The following BRSK2 variants were observed in gnomAD, a reference collection of about 807,000 sequenced individuals.
BRSK2 encodes BR serine/threonine kinase 2, also known as serine/threonine-protein kinase BRSK2.
BRSK2 carries 19 observed loss-of-function variants against 83.3 expected under a neutral mutation model. The observed-to-expected ratio is 0.23, with a 90% CI of 0.16 to 0.33. The LOEUF is 0.33. Ranked by LOEUF, BRSK2 falls within the 10% of genes least tolerant of loss-of-function variation. The pLI is 1.00. For missense variants in BRSK2, 798 were observed against 1,042.3 expected (o/e 0.77, Z 3.23); for synonymous variants, 519 against 435.4 (o/e 1.19, Z -2.39).
chr11:1,450,651 C>A lies in BRSK2; in HGVS notation c.1352C>A (p.Thr451Lys), dbSNP rs369672997. ...ACCCCCAAGGGGACACCTGTCCACA[C>A]GCCAAAGGAGAGCCCGGCTGGCACG... ...LPTPKGTPVH[T>K]PKESPAGTPN... The change falls in exon 14 of 20, where the codon ACG (threonine) becomes AAG (lysine). Residue 451 changes from threonine to lysine, a missense_variant. Thr to Lys is a moderately conservative substitution (Grantham distance 78). Around this residue, in one of 6 missense-constraint regions of BRSK2, gnomAD observed 455 missense variants for 455.2 expected, o/e 1.00. Transcript: ENST00000528841. 5 of 1,609,204 alleles carry A rather than the reference C, an allele frequency of 3.1e-6. No individual in the cohort carries two copies. The East Asian group carries it at 9.0e-5, about 29-fold the overall frequency.
intron 13 of BRSK2, among the ~76,000 whole-genome samples, chr11:1,450,155 G>C (rs890073814): frequency 2.8e-4 from 42 of 151,366 alleles, no homozygotes; most frequent in Non-Finnish European, 5.0e-4. Context: ...GTGTGCATGC[G>C]GGGGACTGGG....
At chr11:1,404,108 C>A (rs1228083852) in intron 1 of BRSK2, among the ~76,000 whole-genome samples, 2 of 152,230 alleles carry the variant, frequency 1.3e-5, no homozygotes, top group Admixed American at 1.3e-4. Context: ...AGCACCCTCT[C>A]CACTGTCCCA....
chr11:1,438,245 G>A lies in BRSK2; in HGVS notation c.187-61G>A. On this transcript the variant is annotated intron_variant, in intron 2 of 19. Transcript: ENST00000528841. This position sits in a 1 kb window ranked among gnomAD's most constrained non-coding sequence, Gnocchi z 6.4. ...ACAGCTGGCACCAAAGGCAGTGTCTGTGGGGAGCGATGCGTGCCCCAGCCC... is the reference window on the plus strand; with the variant it reads ...ACAGCTGGCACCAAAGGCAGTGTCTATGGGGAGCGATGCGTGCCCCAGCCC... 1 of 1,521,924 alleles carries A rather than the reference G, an allele frequency of 6.6e-7. No homozygotes were observed. Among genetic ancestry groups the A allele is most frequent in the Non-Finnish European group, 9.1e-7 (1 of 1,099,304 alleles). The allele number at this position is 1,521,924 out of a possible 1,614,324, so 94.3% of individuals were successfully genotyped here.
chr11:1,413,616 G>A (rs1847792428), intron 1 of BRSK2, among the ~76,000 whole-genome samples: 1 of 152,256 alleles, frequency 6.6e-6, no homozygotes, highest in Non-Finnish European at 1.5e-5. Flanking sequence ...TCTGGGGTCT[G>A]TGTGCCTGGA....
chr11:1,428,963 C>T (rs1013128171), intron 1 of BRSK2, among the ~76,000 whole-genome samples: 4 of 140,466 alleles, frequency 2.8e-5, no homozygotes, highest in African/African-American at 1.1e-4. Flanking sequence ...GGGTGTGTGC[C>T]CTTGGCGTGT....
At chr11:1,407,391 C>T (rs2134086483) in intron 1 of BRSK2, among the ~76,000 whole-genome samples, 1 of 152,288 alleles carries the variant, frequency 6.6e-6, no homozygotes. Context: ...CCACAGAGTC[C>T]ACTTGGGGGG....
chr11:1,449,224 C>T (rs1845498440), intron 12 of BRSK2, among the ~76,000 whole-genome samples: 1 of 152,190 alleles, frequency 6.6e-6, no homozygotes, highest in Non-Finnish European at 1.5e-5. Context: ...GGACAAGGCC[C>T]CACCGTCCCT....
chr11:1,457,553 G>A (rs372749905), intron 18 of BRSK2, among the ~76,000 whole-genome samples: 2 of 152,182 alleles, frequency 1.3e-5, no homozygotes, highest in African/African-American at 2.4e-5. Context: ...ACATGCATGG[G>A]CCTGGTCTGT....
chr11:1,451,258 C>T (rs1590655916), intron 14 of BRSK2, 113 bp from the exon 15 acceptor site: 1 of 1,271,010 alleles, frequency 7.9e-7, no homozygotes, highest in Non-Finnish European at 1.1e-6. Flanking sequence ...GGGGGCTGTC[C>T]CAGTGTGTGT....
chr11:1,403,330 C>T (rs1009653506), intron 1 of BRSK2, among the ~76,000 whole-genome samples: 2 of 152,200 alleles, frequency 1.3e-5, no homozygotes, highest in South Asian at 2.1e-4. Flanking sequence ...CACCCCTCAC[C>T]GCAGGCCACA....
chr11:1,429,357 G>C (rs1285080927), intron 1 of BRSK2, among the ~76,000 whole-genome samples: 1 of 151,964 alleles, frequency 6.6e-6, no homozygotes, highest in Non-Finnish European at 1.5e-5. Context: ...TGTGCACTCG[G>C]TGTGTGGGTG....
chr11:1,447,680 G>T, intron 12 of BRSK2: 1 of 890,926 alleles, frequency 1.1e-6, no homozygotes, highest in Non-Finnish European at 1.8e-6. Flanking sequence ...CGCCATCTTT[G>T]TGCAGCGGCC....
At chr11:1,447,885 C>G in intron 12 of BRSK2, 1 of 1,581,332 alleles carries the variant, frequency 6.3e-7, no homozygotes, top group Non-Finnish European at 8.5e-7. Context: ...GACCACCCGT[C>G]CCCGCACCTC....
intron 1 of BRSK2, among the ~76,000 whole-genome samples, chr11:1,416,012 C>G (rs1322645932): frequency 6.6e-6 from 1 of 152,274 alleles, no homozygotes; most frequent in Non-Finnish European, 1.5e-5. Flanking sequence ...TGGAACCAGG[C>G]AAGCTGAACC....
chr11:1,456,246 A>C, intron 16 of BRSK2, 102 bp from the exon 17 acceptor site: 1 of 1,242,182 alleles, frequency 8.1e-7, no homozygotes. Flanking sequence ...GGGTGCTCAC[A>C]ATGTGTGCAC....
At chr11:1,458,259 T>C (rs1259619493) in intron 18 of BRSK2, among the ~76,000 whole-genome samples, 2 of 152,002 alleles carry the variant, frequency 1.3e-5, no homozygotes, top group Non-Finnish European at 1.5e-5. Context: ...CCCCTTAAAG[T>C]GTGGTACCGC....
rs371936544 is a variant in BRSK2 at position 1,444,591 on chromosome 11, C to T, written c.781-380C>T. Among the ~76,000 whole-genome samples the T allele has an allele frequency of 2.5e-3, 381 of 152,184 alleles. 1 individual carries two copies. The highest frequency in any genetic ancestry group is 6.8e-3 in the Middle Eastern group (2 of 294). On this transcript the variant is annotated intron_variant, in intron 8 of 19. Transcript: ENST00000528841. ...CTGCCTTGGTTCCTTCCTAGAGCCA[C>T]GGAGGGGCCCAGCCCAGGCAGCACA... is the stretch of plus-strand genomic sequence containing the variant.
chr11:1,402,040 AC>A (rs1846513601), intron 1 of BRSK2, among the ~76,000 whole-genome samples: 1 of 152,034 alleles, frequency 6.6e-6, no homozygotes, highest in Non-Finnish European at 1.5e-5. Flanking sequence ...CACAGGACCC[AC>A]CCCTCGTGCC....
In BRSK2 at chr11:1,440,659, C is replaced by G. The variant is rs1056638784; in HGVS notation, c.273-129C>G. On this transcript the variant is annotated intron_variant, in intron 3 of 19. Transcript: ENST00000528841. ...AGTCAGGGCTCCTCTCAGCTGCCCC[C>G]CCAGCCAGCAAGAGGATGGGGGCGG... is the stretch of plus-strand genomic sequence containing the variant. The G allele has an allele frequency of 3.3e-5, 42 of 1,271,484 alleles. No individual in the cohort carries two copies. In the Admixed American group the frequency reaches 7.8e-4, roughly 24 times the overall value. 78.8% of individuals were successfully genotyped at this position (1,271,484 alleles called of 1,614,324 possible). A position where few individuals can be genotyped will look rare whatever the true frequency, so the allele number is the denominator to read the frequency against.
Sources: allele counts gnomAD v4.1 joint callset (sites outside exome capture counted in the v4.1 genomes callset), GRCh38; gene constraint gnomAD v4.1.1; regional missense constraint gnomAD v4.1.1; non-coding constraint Gnocchi (gnomAD v3.1); transcripts MANE v1.5; gene names NCBI Gene and HGNC (gene_info 2026-07-23, HGNC 2026-07-21).